ESR1: variants seen among roughly 807,000 people sequenced by gnomAD.
ESR1 encodes the protein estrogen receptor 1.
A neutral mutation model predicts 52.7 loss-of-function variants in ESR1; 12 were observed. The observed-to-expected ratio is 0.23, with a 90% confidence interval of 0.15 to 0.37. ESR1 has a LOEUF of 0.37. Ranked by LOEUF, ESR1 falls within the 10% of genes least tolerant of loss-of-function variation. The pLI, the probability that ESR1 is intolerant of heterozygous loss-of-function variation, is 1.00. For synonymous variants in ESR1, 305 were observed against 316.8 expected, an observed-to-expected ratio of 0.96 and a Z score of 0.39; for missense variants, 584 against 779.7, an observed-to-expected ratio of 0.75 and a Z score of 2.99.
chr6:151,715,230 T>G (rs1053683359), intron 2 of ESR1, among the ~76,000 whole-genome samples: 26 of 152,206 alleles, frequency 1.7e-4, no homozygotes, highest in African/African-American at 5.3e-4. Context: ...GGGCTTCCCT[T>G]TGTGGGTAAC....
intron 1 of ESR1, among the ~76,000 whole-genome samples, chr6:151,833,947 A>T (rs1160086216): frequency 1.3e-5 from 2 of 152,340 alleles, no homozygotes; most frequent in East Asian, 3.9e-4. Flanking sequence ...ATATGAAAAA[A>T]ATCTCATCAT....
chr6:152,034,997 A>T (rs1245519483), intron 5 of ESR1, among the ~76,000 whole-genome samples: 1 of 152,234 alleles, frequency 6.6e-6, no homozygotes. Flanking sequence ...GTTAGTTTTG[A>T]TGCTACTCAA....
At chr6:151,704,549 CT>C (rs1236791154) in intron 2 of ESR1, among the ~76,000 whole-genome samples, 1 of 152,224 alleles carries the variant, frequency 6.6e-6, no homozygotes, top group Non-Finnish European at 1.5e-5. Flanking sequence ...GCCAACGCCC[CT>C]GGCCACAAAA....
At chr6:151,806,467 G>A (rs1777846251), upstream of ESR1, among the ~76,000 whole-genome samples, 1 of 144,064 alleles carries the variant, frequency 6.9e-6, no homozygotes, top group Non-Finnish European at 1.5e-5. Flanking sequence ...TTATTCAAAA[G>A]TATAAACTAT....
At chr6:151,686,644 C>T (rs62441984), upstream of ESR1, among the ~76,000 whole-genome samples, 1,714 of 152,148 alleles carry the variant, frequency 0.011, 12 homozygotes, top group Non-Finnish European at 0.018. Flanking sequence ...GCCGAGATGG[C>T]GCCACTGCAC....
chr6:151,934,313 T>A (rs113994290), intron 3 of ESR1, among the ~76,000 whole-genome samples: 121 of 152,354 alleles, frequency 7.9e-4, no homozygotes, highest in African/African-American at 2.9e-3. Flanking sequence ...CTTACCATTA[T>A]CAGATATCAT....
chr6:151,668,275 C>G (rs1777899648), intron 1 of ESR1, among the ~76,000 whole-genome samples: 1 of 141,742 alleles, frequency 7.1e-6, no homozygotes, highest in African/African-American at 2.5e-5. Flanking sequence ...AGAGGAAAAA[C>G]CCTTTTTTTT....
At chr6:151,741,527 C>A (rs1377719503) in intron 2 of ESR1, among the ~76,000 whole-genome samples, 1 of 152,112 alleles carries the variant, frequency 6.6e-6, no homozygotes, top group African/African-American at 2.4e-5. Flanking sequence ...AATTGCCCAG[C>A]AGTTAGAGAT....
chr6:151,984,701 G>A (rs77007261), intron 4 of ESR1, among the ~76,000 whole-genome samples: 2,899 of 152,116 alleles, frequency 0.019, 74 homozygotes, highest in East Asian at 0.1. Flanking sequence ...TGAATAAGCT[G>A]CTTCAATTTC....
At chr6:151,809,146 TC>T (rs773303223) in intron 1 of ESR1, 2 of 434,672 alleles carry the variant, frequency 4.6e-6, no homozygotes, top group South Asian at 1.7e-5. Context: ...GACAAGCCTG[TC>T]CCACCCGGGG....
chr6:151,728,663 C>CT (rs1344938597), intron 2 of ESR1, among the ~76,000 whole-genome samples: 4 of 152,162 alleles, frequency 2.6e-5, no homozygotes, highest in African/African-American at 9.7e-5. Flanking sequence ...AGGAACATAC[C>CT]TGCCCCCCAT....
chr6:151,662,908 T>C lies in ESR1; in HGVS notation n.73+6145T>C, dbSNP rs548152570. 2.0e-5 allele frequency among the ~76,000 whole-genome samples: 3 copies of C among 152,374 alleles called. No homozygotes were observed. The South Asian group carries it at 6.2e-4, about 32-fold the overall frequency. On this transcript the variant is annotated intron_variant and non_coding_transcript_variant, in intron 1 of 2. Coordinates refer to the ESR1 transcript ENST00000473497. Reference sequence around the variant, plus strand: ...TTAAACTTTTGTGCAGCTAGTAAATTAAGTCACTGTTTATTCTGTGTAGTG... The same window carrying C: ...TTAAACTTTTGTGCAGCTAGTAAATCAAGTCACTGTTTATTCTGTGTAGTG...
At chr6:151,825,441 C>T (rs1488863747) in intron 1 of ESR1, among the ~76,000 whole-genome samples, 1 of 152,160 alleles carries the variant, frequency 6.6e-6, no homozygotes, top group African/African-American at 2.4e-5. Flanking sequence ...ACTAACTGTA[C>T]TTGTGCCATT....
intron 6 of ESR1, among the ~76,000 whole-genome samples, chr6:152,114,190 T>C (rs1176549386): frequency 6.6e-6 from 1 of 152,124 alleles, no homozygotes; most frequent in Non-Finnish European, 1.5e-5. Flanking sequence ...CTCTGGCACC[T>C]GCATCAGGAA....
intron 2 of ESR1, among the ~76,000 whole-genome samples, chr6:151,784,396 T>C (rs1175633881): frequency 6.6e-6 from 1 of 152,236 alleles, no homozygotes; most frequent in Non-Finnish European, 1.5e-5. Flanking sequence ...CTAGAAGTTA[T>C]ATTTTTATAG....
rs140461081 is a variant in ESR1, at chr6:151,767,745, C to T, written c.-70-40098C>T. Among the ~76,000 whole-genome samples, 418 of 152,270 alleles carry T rather than the reference C, an allele frequency of 2.7e-3. 4 individuals are homozygous for T. The highest frequency in any genetic ancestry group is 0.016 in the East Asian group (84 of 5,184). On this transcript the variant is annotated intron_variant, in intron 2 of 2. Coordinates refer to the ESR1 transcript ENST00000404742. ...TCTTAACCCAAGTTCATAGGACTTC[C>T]TGAATGGTACAGATGCTAAGGTCTA... is the stretch of plus-strand genomic sequence containing the variant.
At chr6:151,836,745 A>G (rs1248381867) in intron 1 of ESR1, among the ~76,000 whole-genome samples, 1 of 152,210 alleles carries the variant, frequency 6.6e-6, no homozygotes, top group Non-Finnish European at 1.5e-5. Flanking sequence ...TTTTGAGTGT[A>G]CATAGCTTTG....
At chr6:151,879,827 T>C (rs1792493751) in intron 2 of ESR1, among the ~76,000 whole-genome samples, 1 of 152,170 alleles carries the variant, frequency 6.6e-6, no homozygotes, top group Non-Finnish European at 1.5e-5. Context: ...ATTTGTGAAC[T>C]GAAGGACTGA....
chr6:151,768,821 G>A lies in ESR1; in HGVS notation c.-70-39022G>A, dbSNP rs551571477. 2.0e-5 allele frequency among the ~76,000 whole-genome samples: 3 copies of A among 152,252 alleles called. No individual in the cohort carries two copies. In the South Asian group the frequency reaches 6.2e-4, roughly 32 times the overall value. On this transcript the variant is annotated intron_variant, in intron 2 of 2. Transcript: ENST00000404742. Reference sequence around the variant, plus strand: ...AACTCGTAAATTACTTAAAAGAAAAGCAATAACCCTGGCTCTTATAAAACT... The same window carrying A: ...AACTCGTAAATTACTTAAAAGAAAAACAATAACCCTGGCTCTTATAAAACT...
Sources: gnomAD v4.1 joint callset for allele counts (sites outside exome capture counted in the v4.1 genomes callset) on GRCh38, gnomAD v4.1.1 for gene constraint, MANE v1.5 for transcripts, NCBI Gene and HGNC (gene_info 2026-07-23, HGNC 2026-07-21) for gene names.